The following NFIB variants were observed in gnomAD, a reference collection of about 807,000 sequenced individuals.
NFIB encodes nuclear factor I B, also known as nuclear factor 1 B-type.
In NFIB, 11 loss-of-function variants were observed where a neutral mutation model predicts 61.5. The ratio of observed to expected loss-of-function variants is 0.18; its 90% confidence interval spans 0.11 to 0.30. NFIB has a LOEUF of 0.30. Ranked by LOEUF, NFIB falls within the 10% of genes least tolerant of loss-of-function variation. NFIB has a pLI of 1.00. For missense variants in NFIB, 471 were observed against 608.9 expected (o/e 0.77, Z 2.38); for synonymous variants, 260 against 216.5 (o/e 1.20, Z -1.76).
chr9:14,135,963 T>A (rs1434676801), intron 6 of NFIB, among the ~76,000 whole-genome samples: 1 of 152,200 alleles, frequency 6.6e-6, no homozygotes, highest in Non-Finnish European at 1.5e-5. Context: ...TTGCCATATA[T>A]TTTAGCCCAA....
At chr9:14,112,376 C>A (rs1812309039) in intron 10 of NFIB, among the ~76,000 whole-genome samples, 1 of 152,118 alleles carries the variant, frequency 6.6e-6, no homozygotes, top group Non-Finnish European at 1.5e-5. Flanking sequence ...GTAAACACTT[C>A]ATTTGCATTA....
chr9:14,463,469 A>G, the NFIB span, among the ~76,000 whole-genome samples: 1 of 151,934 alleles, frequency 6.6e-6, no homozygotes, highest in Non-Finnish European at 1.5e-5. Context: ...CCTAGGAAAA[A>G]AAAGCCGTTT....
chr9:14,329,285 A>C (rs767835177), intron 1 of NFIB, among the ~76,000 whole-genome samples: 4 of 152,140 alleles, frequency 2.6e-5, no homozygotes, highest in Non-Finnish European at 5.9e-5. Flanking sequence ...CTTTGTATTA[A>C]TGTTTTTTTC....
In NFIB at chr9:14,299,538, C is replaced by A. The variant is rs1013570439; in HGVS notation, c.562+7451G>T. Among the ~76,000 whole-genome samples, 9 of 152,160 alleles carry A rather than the reference C, an allele frequency of 5.9e-5. No homozygotes were observed. The South Asian group carries it at 6.2e-4, about 10-fold the overall frequency. On this transcript the variant is annotated intron_variant, in intron 2 of 10. Transcript: ENST00000380953. Reference sequence around the variant, plus strand: ...AAGGTAATTCTTATTTTATTTCGCACTTGTTTAAACAAATTCCATTTTCAA... The same window carrying A: ...AAGGTAATTCTTATTTTATTTCGCAATTGTTTAAACAAATTCCATTTTCAA...
chr9:14,455,719 A>AGAG, the NFIB span, among the ~76,000 whole-genome samples: 1 of 152,206 alleles, frequency 6.6e-6, no homozygotes, highest in Non-Finnish European at 1.5e-5. Context: ...CAGGGAAGCT[A>AGAG]TACATTCAAA....
chr9:14,414,188 A>G, the NFIB span, among the ~76,000 whole-genome samples: 2 of 152,156 alleles, frequency 1.3e-5, no homozygotes, highest in Non-Finnish European at 2.9e-5. Flanking sequence ...CTGTAATCCT[A>G]GCACTTTGGG....
chr9:14,186,527 T>C (rs1587424784), intron 2 of NFIB, among the ~76,000 whole-genome samples: 2 of 152,154 alleles, frequency 1.3e-5, no homozygotes, highest in Non-Finnish European at 2.9e-5. Flanking sequence ...ACGGAAGGAA[T>C]ACAAATGCAT....
chr9:14,346,614 G>C (rs535273570), intron 1 of NFIB, among the ~76,000 whole-genome samples: 1 of 152,268 alleles, frequency 6.6e-6, no homozygotes, highest in South Asian at 2.1e-4. Context: ...GTTCCCGTTG[G>C]CTTGCTGGTT....
chr9:14,150,214 C>G lies in NFIB; in HGVS notation c.737G>C (p.Ser246Thr). ...GVNFPIGEIP[S>T]QPYYHDMNSG... is the part of the protein sequence containing the mutation. ...GTTCATGTCATGATAGTATGGTTGG[C>G]TTGGGATTTCTCCAATTGGGAAGTT... The change falls in exon 5 of 11, where the codon AGC becomes ACC. Residue 246 changes from serine (S) to threonine (T), a missense_variant. This residue lies in a region of NFIB where 372 missense variants were observed against 395.6 expected (regional missense o/e 0.94). Coordinates refer to ENST00000380953, the MANE Select transcript of NFIB (RefSeq NM_001190737.2). 1 of 1,613,488 alleles carries G rather than the reference C, an allele frequency of 6.2e-7. No individual in the cohort carries two copies. The highest frequency in any genetic ancestry group is 8.5e-7 in the Non-Finnish European group (1 of 1,179,572).
At chr9:14,291,899 TC>T (rs1398393719) in intron 2 of NFIB, among the ~76,000 whole-genome samples, 1 of 152,156 alleles carries the variant, frequency 6.6e-6, no homozygotes, top group African/African-American at 2.4e-5. Context: ...TTTCTGTTTT[TC>T]AACCAGCATC....
chr9:14,489,790 T>G, the NFIB span, among the ~76,000 whole-genome samples: 1 of 152,024 alleles, frequency 6.6e-6, no homozygotes, highest in Admixed American at 6.6e-5. Context: ...ATATATTATT[T>G]TATACATATG....
At chr9:14,413,675 GA>G in the NFIB span, among the ~76,000 whole-genome samples, 1 of 152,082 alleles carries the variant, frequency 6.6e-6, no homozygotes, top group Non-Finnish European at 1.5e-5. Flanking sequence ...AAGGCCTGTA[GA>G]AAAAAAGTAA....
intron 2 of NFIB, among the ~76,000 whole-genome samples, chr9:14,274,933 G>A (rs1588072521): frequency 6.6e-6 from 1 of 152,024 alleles, no homozygotes; most frequent in South Asian, 2.1e-4. Flanking sequence ...ATAGTAAGGT[G>A]GTCAATTTTT....
rs777498422 is a variant in NFIB, at chr9:14,083,309, AC to A, written c.*4999del. 2 of 225,928 alleles carry A rather than the reference AC, an allele frequency of 8.9e-6. No individual in the cohort carries two copies. The highest frequency in any genetic ancestry group is 1.8e-4 in the South Asian group (1 of 5,432). The allele number at this position is 225,928 out of a possible 1,614,324, so 14.0% of individuals were successfully genotyped here. A position where few individuals can be genotyped will look rare whatever the true frequency, so the allele number is the denominator to read the frequency against. ...AAGGGCAAAATCAGTGGTCCATGTT[AC>A]CCCCCAACTGCAGGGCTCCACTCCA... is the stretch of plus-strand genomic sequence containing the variant. On this transcript the variant is annotated 3_prime_UTR_variant, in exon 11 of 11. Transcript: ENST00000380953.
chr9:14,229,523 T>C (rs2052857086), intron 2 of NFIB, among the ~76,000 whole-genome samples: 1 of 152,206 alleles, frequency 6.6e-6, no homozygotes, highest in South Asian at 2.1e-4. Context: ...GATAAAATAA[T>C]GCCTTAAATA....
At chr9:14,210,238 AAT>A (rs1368075056) in intron 2 of NFIB, among the ~76,000 whole-genome samples, 9 of 152,138 alleles carry the variant, frequency 5.9e-5, no homozygotes, top group African/African-American at 2.2e-4. Flanking sequence ...AATGAAACTA[AAT>A]ATATAGAGAG....
chr9:14,322,753 G>A (rs2060693270), intron 1 of NFIB, among the ~76,000 whole-genome samples: 1 of 151,910 alleles, frequency 6.6e-6, no homozygotes, highest in African/African-American at 2.4e-5. Flanking sequence ...TGGGTGTGGC[G>A]GCCTGCGCCG....
chr9:14,111,774 T>C (rs2037415921), intron 10 of NFIB, among the ~76,000 whole-genome samples: 1 of 152,232 alleles, frequency 6.6e-6, no homozygotes, highest in African/African-American at 2.4e-5. Flanking sequence ...ACAGATGTTT[T>C]CAGTTAGTTC....
intron 2 of NFIB, among the ~76,000 whole-genome samples, chr9:14,187,282 C>G (rs1362414357): frequency 6.6e-6 from 1 of 152,020 alleles, no homozygotes; most frequent in Non-Finnish European, 1.5e-5. Context: ...CCGTACTCCT[C>G]CTAAACCCAG....
Sources: allele counts gnomAD v4.1 joint callset (sites outside exome capture counted in the v4.1 genomes callset), GRCh38; gene constraint gnomAD v4.1.1; regional missense constraint gnomAD v4.1.1; transcripts MANE v1.5; gene names NCBI Gene and HGNC (gene_info 2026-07-23, HGNC 2026-07-21).